The following SLC12A2 variants were observed in gnomAD, a reference collection of about 807,000 sequenced individuals.
SLC12A2 encodes Na-K-2Cl cotransporter 1.
A neutral mutation model predicts 136.3 loss-of-function variants in SLC12A2; 67 were observed. The observed-to-expected ratio is 0.49, with a 90% CI of 0.40 to 0.60. SLC12A2 has a LOEUF of 0.60. SLC12A2 is among the 20% of genes least tolerant of loss of function. The pLI is 0.00. For missense variants in SLC12A2, 1,322 were observed against 1,534.7 expected (o/e 0.86, Z 2.32); for synonymous variants, 619 against 562.9 (o/e 1.10, Z -1.41).
chr5:128,177,196 G>A (rs961072776), intron 21 of SLC12A2, 44 bp downstream of exon 21: 3 of 1,401,946 alleles, frequency 2.1e-6, no homozygotes, highest in Non-Finnish European at 3.0e-6. Flanking sequence ...TTTTCATACT[G>A]TAAACTCTTT....
intron 1 of SLC12A2, among the ~76,000 whole-genome samples, chr5:128,105,718 C>A (rs1760907437): frequency 6.6e-6 from 1 of 152,140 alleles, no homozygotes; most frequent in African/African-American, 2.4e-5. Context: ...TAAAAATTAT[C>A]CTTTTCTCTA....
chr5:128,090,813 A>G (rs1355762999), intron 1 of SLC12A2, among the ~76,000 whole-genome samples: 2 of 152,150 alleles, frequency 1.3e-5, no homozygotes, highest in Admixed American at 6.5e-5. Flanking sequence ...TGTGATGGAG[A>G]GACAGGGAGG....
intron 17 of SLC12A2, among the ~76,000 whole-genome samples, chr5:128,166,462 GTGTGTGTGTGTGTGTGTGTT>G (rs1000083888): frequency 3.6e-4 from 53 of 147,610 alleles, no homozygotes; most frequent in African/African-American, 1.3e-3. Context: ...ATAAACAAAT[GTGTGTGTGTGTGTGTGTGTT>G]TGTGTGTGTG....
At chr5:128,152,409 A>T (rs923422765) in intron 14 of SLC12A2, among the ~76,000 whole-genome samples, 1 of 152,214 alleles carries the variant, frequency 6.6e-6, no homozygotes, top group Non-Finnish European at 1.5e-5. Flanking sequence ...GCTATATACA[A>T]ACAATAATTT....
rs1405418489 is a variant in SLC12A2, at chr5:128,167,752, A to G, written c.2617-9A>G. On this transcript the variant is annotated splice_polypyrimidine_tract_variant and intron_variant, in intron 17 of 26. Transcript: ENST00000262461. The stretch of plus-strand genomic sequence containing the variant: ...ATATCTGTAAAGTTATATTGACCCT[A>G]TATTTTAGGCTGCTGGTCTTGGTCG... 8 of 1,567,908 alleles carry G rather than the reference A, an allele frequency of 5.1e-6. No homozygotes were observed. Among genetic ancestry groups the G allele is most frequent in the Middle Eastern group, 1.7e-4 (1 of 5,956 alleles).
chr5:128,097,179 C>A (rs1760574831), intron 1 of SLC12A2, among the ~76,000 whole-genome samples: 1 of 144,434 alleles, frequency 6.9e-6, no homozygotes, highest in African/African-American at 2.6e-5. Context: ...TTGCTTATTT[C>A]AAATGTTTAT....
intron 2 of SLC12A2, among the ~76,000 whole-genome samples, chr5:128,113,357 G>A (rs571715405): frequency 4.1e-4 from 63 of 152,296 alleles, no homozygotes; most frequent in African/African-American, 1.2e-3. Context: ...GAAGAGAAGC[G>A]TATGGAAGTT....
chr5:128,098,794 C>T (rs1760638700), intron 1 of SLC12A2, among the ~76,000 whole-genome samples: 1 of 152,064 alleles, frequency 6.6e-6, no homozygotes, highest in South Asian at 2.1e-4. Flanking sequence ...TGGGGAGTCT[C>T]CCCTGCATTT....
intron 24 of SLC12A2, among the ~76,000 whole-genome samples, chr5:128,184,162 G>A (rs114011796): frequency 2.6e-3 from 399 of 152,034 alleles, no homozygotes; most frequent in African/African-American, 9.4e-3. Context: ...GTCTATATGG[G>A]TTCTAATTTT....
chr5:128,153,505 A>G (rs553542485), intron 15 of SLC12A2, among the ~76,000 whole-genome samples: 2 of 152,336 alleles, frequency 1.3e-5, no homozygotes, highest in East Asian at 3.9e-4. Context: ...CAGTGAGCCA[A>G]GATCATGCCA....
At chr5:128,113,335 C>T (rs1161823429) in intron 2 of SLC12A2, among the ~76,000 whole-genome samples, 1 of 152,176 alleles carries the variant, frequency 6.6e-6, no homozygotes, top group Non-Finnish European at 1.5e-5. Flanking sequence ...CACATTCCCC[C>T]CATTATATTT....
At chr5:128,097,385 T>C (rs563733045) in intron 1 of SLC12A2, among the ~76,000 whole-genome samples, 20 of 152,188 alleles carry the variant, frequency 1.3e-4, no homozygotes, top group African/African-American at 4.8e-4. Context: ...CATATAGTTA[T>C]AATACTTTAA....
intron 7 of SLC12A2, 55 bp downstream of exon 7, chr5:128,135,863 A>C: frequency 2.1e-6 from 2 of 961,222 alleles, no homozygotes; most frequent in Non-Finnish European, 1.6e-6. Context: ...GAATTCTATC[A>C]TCAATTAAAT....
At position 128,142,344 on chromosome 5, in the gene SLC12A2, C is replaced by G. The variant is rs139412274; in HGVS notation, c.1773+363C>G. Among the ~76,000 whole-genome samples, 595 of 152,222 alleles carry G rather than the reference C, an allele frequency of 3.9e-3. 4 individuals are homozygous for G. Among genetic ancestry groups the G allele is most frequent in the African/African-American group, 0.014 (572 of 41,536 alleles). ...TCTCGAACTCCTGACGTCAAGTGAT[C>G]CACCTGCATGGGCCTCCCAAAGTGC... On this transcript the variant is annotated intron_variant, in intron 10 of 26. Transcript: ENST00000262461.
intron 1 of SLC12A2, among the ~76,000 whole-genome samples, chr5:128,111,764 CA>C (rs374353989): frequency 0.058 from 3,515 of 60,210 alleles, 89 homozygotes; most frequent in African/African-American, 0.15. Flanking sequence ...GACTCCATCT[CA>C]AAAAAAAAAA....
rs370091783 is a variant in SLC12A2 at position 128,133,146 on chromosome 5, C to T, written c.1189-1019C>T. The stretch of plus-strand genomic sequence containing the variant: ...ACGATCAGATTAATTCAAGAGATGT[C>T]GAAATCAAATTTAAAAAAACACTAA... On this transcript the variant is annotated intron_variant, in intron 5 of 26. Transcript: ENST00000262461. Among the ~76,000 whole-genome samples, 10 of 150,030 alleles carry T rather than the reference C, an allele frequency of 6.7e-5. No homozygotes were observed. The South Asian group carries it at 1.1e-3, about 16-fold the overall frequency.
At position 128,178,584 on chromosome 5, in the gene SLC12A2, G is replaced by A; in HGVS notation, c.2995G>A (p.Val999Met). 6.3e-7 allele frequency: 1 copy of A among 1,588,876 alleles called. No individual in the cohort carries two copies. The highest frequency in any genetic ancestry group is 8.5e-7 in the Non-Finnish European group (1 of 1,170,176). ...TCCTTTAGAATCCAAAGGCCCTATT[G>A]TGCCTTTAAATGTAGCTGACCAAAA... The part of the protein sequence containing the change: ...LLKKESKGPI[V>M]PLNVADQKLL... Residue 999 changes from valine (V) to methionine (M), a missense_variant, in exon 22 of 27, where the codon GTG becomes ATG. Physicochemically the swap from Val to Met is conservative, Grantham distance 21. Transcript: ENST00000262461.
chr5:128,121,902 T>C (rs1761597083), intron 4 of SLC12A2, among the ~76,000 whole-genome samples: 1 of 152,220 alleles, frequency 6.6e-6, no homozygotes, highest in East Asian at 1.9e-4. Flanking sequence ...ACTTGGATGG[T>C]GCTGGCCAGC....
At chr5:128,102,298 C>T (rs1362525018) in intron 1 of SLC12A2, among the ~76,000 whole-genome samples, 1 of 152,008 alleles carries the variant, frequency 6.6e-6, no homozygotes, top group Non-Finnish European at 1.5e-5. Context: ...CCACCCAGAT[C>T]AAGAAATAGA....
Sources: gnomAD v4.1 joint callset for allele counts (sites outside exome capture counted in the v4.1 genomes callset) on GRCh38, gnomAD v4.1.1 for gene constraint, MANE v1.5 for transcripts, NCBI Gene and HGNC (gene_info 2026-07-23, HGNC 2026-07-21) for gene names.